The following ZBTB7C variants were observed in gnomAD, a reference collection of about 807,000 sequenced individuals.
ZBTB7C encodes the protein zinc finger and BTB domain containing 7C.
Under a neutral mutation model 25.7 loss-of-function variants are expected in ZBTB7C, and 8 were observed. The ratio of observed to expected loss-of-function variants is 0.31; its 90% CI spans 0.18 to 0.56. The LOEUF (loss-of-function observed/expected upper bound fraction) is 0.56, where lower values mean the gene tolerates loss of function less well. Among genes scored for constraint, ZBTB7C ranks in the 20% least tolerant of loss-of-function variants. ZBTB7C has a pLI of 0.91. For missense variants in ZBTB7C, 824 were observed against 855.2 expected (o/e 0.96, Z 0.46); for synonymous variants, 394 against 369.0 (o/e 1.07, Z -0.78).
Position 48,162,723 on chromosome 18 carries a change from C to T in ZBTB7C, c.-17+23211G>A, listed in dbSNP as rs148016709. ...AGTTCCCCCACAGGAAAATAGGGAC[C>T]GTAATGCCCATCTTCCGGGGCCAAT... On this transcript the variant is annotated intron_variant, in intron 3 of 4. Transcript: ENST00000590800. Among the ~76,000 whole-genome samples, 15 of 152,246 alleles carry T rather than the reference C, an allele frequency of 9.9e-5. No individual in the cohort carries two copies. The East Asian group carries it at 2.9e-3, about 29-fold the overall frequency.
chr18:48,350,533 C>G (rs56957248), intron 1 of ZBTB7C: 35,842 of 152,170 alleles, frequency 0.24, 4,458 homozygotes, highest in Non-Finnish European at 0.26. Context: ...TCACATAAGG[C>G]AACATACTCA....
chr18:48,131,386 G>A (rs529911482), intron 3 of ZBTB7C, among the ~76,000 whole-genome samples: 1 of 152,238 alleles, frequency 6.6e-6, no homozygotes, highest in South Asian at 2.1e-4. Flanking sequence ...ATTCACTTCT[G>A]GTCCTCAGGT....
intron 2 of ZBTB7C, among the ~76,000 whole-genome samples, chr18:48,325,813 G>A (rs1425533390): frequency 6.6e-6 from 1 of 152,134 alleles, no homozygotes; most frequent in East Asian, 1.9e-4. Flanking sequence ...CTTGTGGAGG[G>A]TCACTTAGTT....
intron 2 of ZBTB7C, among the ~76,000 whole-genome samples, chr18:48,321,803 G>A (rs1198959606): frequency 1.3e-5 from 2 of 152,124 alleles, no homozygotes; most frequent in Non-Finnish European, 1.5e-5. Context: ...GTGCCGATCC[G>A]CCCCAGCCGA....
intron 2 of ZBTB7C, among the ~76,000 whole-genome samples, chr18:48,226,455 A>T (rs1395034663): frequency 6.6e-6 from 1 of 152,240 alleles, no homozygotes; most frequent in East Asian, 1.9e-4. Flanking sequence ...AGGCCTTTAA[A>T]CAATGGTAGG....
chr18:48,311,264 G>T (rs1435181965), intron 2 of ZBTB7C, among the ~76,000 whole-genome samples: 2 of 152,146 alleles, frequency 1.3e-5, no homozygotes, highest in Non-Finnish European at 2.9e-5. Context: ...CACATGACTT[G>T]TCTTGCTCAG....
chr18:48,298,279 CA>C (rs35832838), intron 2 of ZBTB7C, among the ~76,000 whole-genome samples: 43,854 of 120,912 alleles, frequency 0.36, 6,906 homozygotes, highest in African/African-American at 0.43. Flanking sequence ...GACTCTGTCT[CA>C]AAAAAAAAAA....
chr18:48,359,453 G>A (rs553193940), intron 1 of ZBTB7C, among the ~76,000 whole-genome samples: 17 of 152,270 alleles, frequency 1.1e-4, no homozygotes, highest in Admixed American at 6.5e-4. Context: ...ATATAACAAA[G>A]TTTTTATAGT....
intron 1 of ZBTB7C, among the ~76,000 whole-genome samples, chr18:48,338,970 TA>T (rs1280459430): frequency 6.6e-6 from 1 of 151,704 alleles, no homozygotes; most frequent in Non-Finnish European, 1.5e-5. Flanking sequence ...CATCTTTTCA[TA>T]GTTCGTCATC....
chr18:48,093,891 T>TA (rs1334757044), intron 3 of ZBTB7C, among the ~76,000 whole-genome samples: 6 of 143,422 alleles, frequency 4.2e-5, no homozygotes, highest in Non-Finnish European at 9.3e-5. Flanking sequence ...CCGTCTCTAC[T>TA]AAAAAAATAC....
intron 3 of ZBTB7C, among the ~76,000 whole-genome samples, chr18:48,105,817 C>G (rs1052422766): frequency 6.6e-6 from 1 of 152,186 alleles, no homozygotes; most frequent in Non-Finnish European, 1.5e-5. Flanking sequence ...TAACAACTTG[C>G]TATTGCTATT....
chr18:48,398,851 T>C (rs2048090915), intron 1 of ZBTB7C, among the ~76,000 whole-genome samples: 1 of 152,230 alleles, frequency 6.6e-6, no homozygotes, highest in African/African-American at 2.4e-5. Flanking sequence ...AAATTATTTA[T>C]TCTACCTTAA....
chr18:48,349,036 GC>G (rs1051488557), intron 1 of ZBTB7C, among the ~76,000 whole-genome samples: 3 of 152,184 alleles, frequency 2.0e-5, no homozygotes, highest in African/African-American at 7.2e-5. Context: ...TGGGGGAGGG[GC>G]AAGGAGGTGG....
At chr18:48,406,179 C>T (rs1358068028) in intron 1 of ZBTB7C, among the ~76,000 whole-genome samples, 1 of 152,158 alleles carries the variant, frequency 6.6e-6, no homozygotes, top group Non-Finnish European at 1.5e-5. Context: ...CTTCCGCGCC[C>T]AAGTTCCCAC....
intron 3 of ZBTB7C, among the ~76,000 whole-genome samples, chr18:48,076,320 T>C (rs763725111): frequency 2.6e-5 from 4 of 152,280 alleles, no homozygotes; most frequent in East Asian, 3.9e-4. Flanking sequence ...ATTGACACTC[T>C]TGTAGTTGCA....
intron 3 of ZBTB7C, among the ~76,000 whole-genome samples, chr18:48,107,140 G>A (rs1345960909): frequency 6.6e-6 from 1 of 151,304 alleles, no homozygotes; most frequent in Non-Finnish European, 1.5e-5. Flanking sequence ...TGGAGAATGT[G>A]GGGAGGGGCA....
intron 2 of ZBTB7C, among the ~76,000 whole-genome samples, chr18:48,278,096 C>G (rs1485578250): frequency 6.6e-6 from 1 of 152,192 alleles, no homozygotes; most frequent in African/African-American, 2.4e-5. Context: ...TGAATCTGGA[C>G]TGGCCATGAG....
At chr18:48,290,207 TGGCTCCTGTTACTCCA>T (rs1309725091) in intron 2 of ZBTB7C, among the ~76,000 whole-genome samples, 1 of 152,260 alleles carries the variant, frequency 6.6e-6, no homozygotes, top group Non-Finnish European at 1.5e-5. Flanking sequence ...GGACCATGGA[TGGCTCCTGTTACTCCA>T]GGCCATGCCT....
intron 3 of ZBTB7C, among the ~76,000 whole-genome samples, chr18:48,122,100 G>T (rs2039651042): frequency 6.6e-6 from 1 of 152,160 alleles, no homozygotes; most frequent in Non-Finnish European, 1.5e-5. Flanking sequence ...TCTAGATCGG[G>T]CTGTTCATGT....
Sources: gnomAD v4.1 joint callset for allele counts (sites outside exome capture counted in the v4.1 genomes callset) on GRCh38, gnomAD v4.1.1 for gene constraint, MANE v1.5 for transcripts, NCBI Gene and HGNC (gene_info 2026-07-23, HGNC 2026-07-21) for gene names.